MAP4K4: variants seen among roughly 807,000 people sequenced by gnomAD.
MAP4K4 encodes the protein HPK/GCK-like kinase HGK.
Under a neutral mutation model 189.6 loss-of-function variants are expected in MAP4K4, and 38 were observed. The ratio of observed to expected loss-of-function variants is 0.20; its 90% CI spans 0.15 to 0.26. The LOEUF (loss-of-function observed/expected upper bound fraction) is 0.26, where lower values mean the gene tolerates loss of function less well. Among genes scored for constraint, MAP4K4 ranks in the 10% least tolerant of loss-of-function variants. The probability of loss-of-function intolerance (pLI) is 1.00; values close to 1 mark genes in which losing one functional copy is unlikely to be tolerated. For missense variants in MAP4K4, 1,054 were observed against 1,726.9 expected (o/e 0.61, Z 6.91); for synonymous variants, 610 against 624.3 (o/e 0.98, Z 0.34).
At chr2:101,825,867 A>G (rs1035572661) in intron 5 of MAP4K4, among the ~76,000 whole-genome samples, 13 of 152,220 alleles carry the variant, frequency 8.5e-5, no homozygotes, top group African/African-American at 2.9e-4. Flanking sequence ...GTCTGTTACA[A>G]TATTTATGAA....
chr2:101,835,833 C>G, intron 8 of MAP4K4, 67 bp from the exon 9 acceptor site: 1 of 1,074,464 alleles, frequency 9.3e-7, no homozygotes, highest in East Asian at 2.4e-5. Flanking sequence ...TTATTTATGA[C>G]TGAACCCTAG....
At chr2:101,729,101 A>T (rs12998572) in intron 2 of MAP4K4, among the ~76,000 whole-genome samples, 13,066 of 130,120 alleles carry the variant, frequency 0.1, 649 homozygotes, top group South Asian at 0.13. Flanking sequence ...AGAGAGAGAG[A>T]GTGTGTGTGT....
At chr2:101,824,821 CT>C (rs1388913712) in intron 4 of MAP4K4, among the ~76,000 whole-genome samples, 1 of 152,134 alleles carries the variant, frequency 6.6e-6, no homozygotes, top group East Asian at 1.9e-4. Flanking sequence ...ATTGTTCAAA[CT>C]TTTAGATACT....
At chr2:101,738,932 A>G (rs1425900875) in intron 2 of MAP4K4, among the ~76,000 whole-genome samples, 1 of 152,186 alleles carries the variant, frequency 6.6e-6, no homozygotes, top group Admixed American at 6.5e-5. Context: ...TGAGGATTAA[A>G]TGAAACAGCA....
intron 2 of MAP4K4, among the ~76,000 whole-genome samples, chr2:101,789,416 T>C (rs148352484): frequency 9.8e-5 from 15 of 152,300 alleles, no homozygotes; most frequent in Middle Eastern, 3.4e-3. Flanking sequence ...GCCCCATTTA[T>C]TGTACACAGA....
At chr2:101,703,617 CAAAAAAAA>C (rs58122658) in intron 2 of MAP4K4, among the ~76,000 whole-genome samples, 2 of 38,988 alleles carry the variant, frequency 5.1e-5, no homozygotes, top group African/African-American at 1.4e-4. Context: ...GACTCTGTCT[CAAAAAAAA>C]AAAAAAAAAA....
chr2:101,863,840 C>T (rs2097740852), exon 17 of MAP4K4: 1 of 1,367,582 alleles, frequency 7.3e-7, no homozygotes, highest in Non-Finnish European at 9.8e-7. Context: ...TCCCACCTGG[C>T]ATCTCTCAAG....
At chr2:101,818,960 G>A (rs901687714) in intron 3 of MAP4K4, among the ~76,000 whole-genome samples, 1 of 152,142 alleles carries the variant, frequency 6.6e-6, no homozygotes, top group African/African-American at 2.4e-5. Flanking sequence ...TCCTCTTCAA[G>A]TTACTCTTGA....
chr2:101,831,626 C>T (rs2096598058), intron 6 of MAP4K4, 95 bp from the exon 7 acceptor site: 7 of 1,333,636 alleles, frequency 5.2e-6, no homozygotes, highest in Non-Finnish European at 7.4e-6. Context: ...TTTCAGTTTA[C>T]TATGAAGACA....
exon 33 of MAP4K4, chr2:101,892,853 A>G (rs1272863365): frequency 6.6e-6 from 3 of 455,928 alleles, no homozygotes; most frequent in Non-Finnish European, 1.3e-5. Context: ...TAAGGATATT[A>G]CCGTCTCAGG....
At chr2:101,839,077 GGAAGATTTACCA>G (rs2096845840) in intron 9 of MAP4K4, among the ~76,000 whole-genome samples, 1 of 152,206 alleles carries the variant, frequency 6.6e-6, no homozygotes, top group Non-Finnish European at 1.5e-5. Flanking sequence ...AGTGTTGCCA[GGAAGATTTACCA>G]GAAGTGGTGA....
At chr2:101,810,619 C>T (rs1200319623) in intron 3 of MAP4K4, among the ~76,000 whole-genome samples, 1 of 152,176 alleles carries the variant, frequency 6.6e-6, no homozygotes, top group African/African-American at 2.4e-5. Context: ...AAATTTACCA[C>T]TGAAGGATCT....
chr2:101,881,800 T>G (rs1009758870), intron 27 of MAP4K4, among the ~76,000 whole-genome samples: 1 of 152,208 alleles, frequency 6.6e-6, no homozygotes, highest in Non-Finnish European at 1.5e-5. Context: ...ATTTTTCTTC[T>G]TAGCTTGTTG....
At chr2:101,774,690 A>T (rs2083088981) in intron 2 of MAP4K4, among the ~76,000 whole-genome samples, 1 of 152,100 alleles carries the variant, frequency 6.6e-6, no homozygotes. Context: ...AGTTAAATTG[A>T]CTTAGTTTTC....
intron 26 of MAP4K4, 76 bp downstream of exon 26, chr2:101,874,328 T>G: frequency 1.5e-6 from 2 of 1,332,510 alleles, no homozygotes; most frequent in African/African-American, 1.5e-5. Flanking sequence ...AAGTACTGCA[T>G]TGAATAGTTT....
At chr2:101,731,450 C>T (rs1479025381) in intron 2 of MAP4K4, among the ~76,000 whole-genome samples, 3 of 151,964 alleles carry the variant, frequency 2.0e-5, no homozygotes, top group Non-Finnish European at 4.4e-5. Context: ...AAGCAAAGAG[C>T]AGAGAATGAT....
chr2:101,805,740 C>T (rs1025453125), intron 3 of MAP4K4, among the ~76,000 whole-genome samples: 3 of 152,186 alleles, frequency 2.0e-5, no homozygotes, highest in Non-Finnish European at 4.4e-5. Context: ...GAGCAGATGA[C>T]GTTGCTGGCG....
intron 2 of MAP4K4, among the ~76,000 whole-genome samples, chr2:101,744,373 T>C (rs1433604936): frequency 2.6e-5 from 4 of 152,242 alleles, no homozygotes; most frequent in Non-Finnish European, 2.9e-5. Flanking sequence ...CACATCTCAG[T>C]TGAGACCCAT....
chr2:101,712,473 CG>C, intron 2 of MAP4K4, among the ~76,000 whole-genome samples: 1 of 151,790 alleles, frequency 6.6e-6, no homozygotes, highest in Admixed American at 6.6e-5. Flanking sequence ...GGATTATAGG[CG>C]TGAGCCACTG....
Sources: allele counts gnomAD v4.1 joint callset (sites outside exome capture counted in the v4.1 genomes callset), GRCh38; gene constraint gnomAD v4.1.1; transcripts MANE v1.5; gene names NCBI Gene and HGNC (gene_info 2026-07-23, HGNC 2026-07-21).